DNM1: variants seen among roughly 807,000 people sequenced by gnomAD.
DNM1 encodes the protein dynamin 1.
In DNM1, 29 loss-of-function variants were observed where a neutral mutation model predicts 104.6. The observed-to-expected ratio is 0.28, with a 90% CI of 0.21 to 0.38. The LOEUF (loss-of-function observed/expected upper bound fraction) is 0.38. DNM1 is among the 10% of genes least tolerant of loss of function. DNM1 has a pLI of 1.00. For missense variants in DNM1, 640 were observed against 1,189.4 expected (o/e 0.54, Z 6.79); for synonymous variants, 445 against 475.8 (o/e 0.94, Z 0.84).
chr9:128,250,409 G>C (rs1588458518), intron 20 of DNM1, 53 bp downstream of exon 20: 1 of 1,504,058 alleles, frequency 6.6e-7, no homozygotes, highest in East Asian at 2.5e-5. Flanking sequence ...GGGCCCGCGG[G>C]AGGAATGCCG....
chr9:128,246,709 T>C (rs1383794323), intron 16 of DNM1, among the ~76,000 whole-genome samples: 1 of 143,316 alleles, frequency 7.0e-6, no homozygotes, highest in Non-Finnish European at 1.5e-5. Context: ...CCCTCCTCCT[T>C]CCCTCCCTCT....
At chr9:128,246,870 T>G (rs1442976561) in intron 16 of DNM1, 2 of 277,432 alleles carry the variant, frequency 7.2e-6, no homozygotes, top group African/African-American at 4.3e-5. Flanking sequence ...TGAGACACTC[T>G]GCCAGGCACT....
Position 128,243,389 on chromosome 9 carries a change from C to CGG in DNM1, c.1671+1048_1671+1049dup, listed in dbSNP as rs144072096. Among the ~76,000 whole-genome samples the CGG allele has an allele frequency of 7.9e-5, 12 of 152,014 alleles. No homozygotes were observed. The highest frequency in any genetic ancestry group is 1.5e-4 in the Non-Finnish European group (10 of 67,996). ...CTGTTGGAGGCTACAGCATCCTCAA[C>CGG]GGGGGAGCGGGGCTCTGGGTGGGGC... On this transcript the variant is annotated intron_variant, in intron 15 of 21. Coordinates refer to ENST00000372923, the MANE Select transcript of DNM1 (RefSeq NM_004408.4). This position sits in a 1 kb window ranked among gnomAD's most constrained non-coding sequence, Gnocchi z 4.0.
Position 128,246,521 on chromosome 9 carries a change from G to C in DNM1, c.1781+18G>C, listed in dbSNP as rs1302891769. 1.3e-6 allele frequency: 2 copies of C among 1,598,816 alleles called. No individual in the cohort carries two copies. Among genetic ancestry groups the C allele is most frequent in the Non-Finnish European group, 1.7e-6 (2 of 1,166,628 alleles). On this transcript the variant is annotated intron_variant, in intron 16 of 21. Coordinates refer to ENST00000372923, the MANE Select transcript of DNM1 (RefSeq NM_004408.4). ...GAGCAGAGGTGCCTGCCTGCCCCTG[G>C]CTGTGGCTGCTGCAGCCCCAAAACC... is the stretch of plus-strand genomic sequence containing the variant.
Position 128,253,245 on chromosome 9 carries a change from C to G in DNM1, c.2535-1409C>G. The stretch of plus-strand genomic sequence containing the variant: ...CCTCAGAGCCAGGCTCCCCGCCCCT[C>G]CCTTCTGCAGCTGCAGACTTGCTCT... On this transcript the variant is annotated intron_variant, in intron 21 of 21. Coordinates refer to ENST00000372923, the MANE Select transcript of DNM1 (RefSeq NM_004408.4). The surrounding 1 kb of genome is among the most constrained non-coding windows in gnomAD (Gnocchi z 5.9). 3 of 1,035,344 alleles carry G rather than the reference C, an allele frequency of 2.9e-6. No homozygotes were observed. The allele number at this position is 1,035,344 out of a possible 1,614,324, so 64.1% of individuals were successfully genotyped here. A position where few individuals can be genotyped will look rare whatever the true frequency, so the allele number is the denominator to read the frequency against.
chr9:128,247,366 A>G lies in DNM1; in HGVS notation c.1782-9A>G, dbSNP rs201739236. ...CCCATCTGCCCTCACTGCCTGCCCT[A>G]TCTTGCAGGAATGTCTACAAGGATT... On this transcript the variant is annotated splice_polypyrimidine_tract_variant and intron_variant, in intron 16 of 21. Coordinates refer to ENST00000372923, the MANE Select transcript of DNM1 (RefSeq NM_004408.4). The surrounding 1 kb of genome is among the most constrained non-coding windows in gnomAD (Gnocchi z 5.1). 1.4e-4 allele frequency: 230 copies of G among 1,598,724 alleles called. No homozygotes were observed. In the African/African-American group the frequency reaches 2.6e-3, roughly 18 times the overall value.
intron 10 of DNM1, among the ~76,000 whole-genome samples, chr9:128,232,303 C>A (rs1417121453): frequency 6.6e-6 from 1 of 152,158 alleles, no homozygotes; most frequent in African/African-American, 2.4e-5. Context: ...AGAGCGGGAG[C>A]CCTTCCTTGA....
chr9:128,222,655 ACT>A lies in DNM1; in HGVS notation c.1128+66_1128+67del. The A allele has an allele frequency of 6.2e-7, 1 of 1,606,722 alleles. No homozygotes were observed. The highest frequency in any genetic ancestry group is 8.5e-7 in the Non-Finnish European group (1 of 1,175,072). On this transcript the variant is annotated intron_variant, in intron 8 of 21. Coordinates refer to ENST00000372923, the MANE Select transcript of DNM1 (RefSeq NM_004408.4). The surrounding 1 kb of genome is among the most constrained non-coding windows in gnomAD (Gnocchi z 7.8). ...AGGACTCCCCCCACCCTCACTCAGG[ACT>A]CTCTCTGCGTGTGTTTTTGCTGGCC... is the stretch of plus-strand genomic sequence containing the variant.
rs1180448326 is a variant in DNM1 at position 128,245,279 on chromosome 9, G to A, written c.1672-1115G>A. ...CCAGGGGGGCGTTGGGGGCAGAGAGGGGTGGGCGGGATGACGCCAGGACGG... is the reference window on the plus strand; with the variant it reads ...CCAGGGGGGCGTTGGGGGCAGAGAGAGGTGGGCGGGATGACGCCAGGACGG... On this transcript the variant is annotated intron_variant, in intron 15 of 21. Transcript: ENST00000372923. The surrounding 1 kb of genome is among the most constrained non-coding windows in gnomAD (Gnocchi z 5.2). Among the ~76,000 whole-genome samples the A allele has an allele frequency of 6.6e-6, 1 of 152,092 alleles. No individual in the cohort carries two copies. Among genetic ancestry groups the A allele is most frequent in the Admixed American group, 6.5e-5 (1 of 15,278 alleles).
At position 128,247,272 on chromosome 9, in the gene DNM1, A is replaced by C; in HGVS notation, c.1782-103A>C. 1.5e-6 allele frequency: 1 copy of C among 685,312 alleles called. No individual in the cohort carries two copies. Among genetic ancestry groups the C allele is most frequent in the East Asian group, 2.8e-5 (1 of 36,246 alleles). 42.5% of individuals were successfully genotyped at this position (685,312 alleles called of 1,614,324 possible). A position where few individuals can be genotyped will look rare whatever the true frequency, so the allele number is the denominator to read the frequency against. Reference sequence around the variant, plus strand: ...CACAGGGTCACACAGCTGGGAAATGAGCTGGCCTCAGGCATGTTGACCCCA... The same window carrying C: ...CACAGGGTCACACAGCTGGGAAATGCGCTGGCCTCAGGCATGTTGACCCCA... On this transcript the variant is annotated intron_variant, in intron 16 of 21. Transcript: ENST00000372923. This position sits in a 1 kb window ranked among gnomAD's most constrained non-coding sequence, Gnocchi z 5.1.
chr9:128,231,344 G>T (rs1835681144), intron 10 of DNM1, among the ~76,000 whole-genome samples: 1 of 151,930 alleles, frequency 6.6e-6, no homozygotes, highest in African/African-American at 2.4e-5. Context: ...TGGGATTACA[G>T]GCATGTGCCA....
rs367584321 is a variant in DNM1 at position 128,222,584 on chromosome 9, C to T, written c.1116C>T (p.Phe372=). The T allele has an allele frequency of 1.2e-5, 20 of 1,614,030 alleles. No homozygotes were observed. Among genetic ancestry groups the T allele is most frequent in the South Asian group, 5.5e-5 (5 of 91,090 alleles). The part of the protein sequence containing the change: ...INRIFHERFP[F]ELVKMEFDEK... ...GAATCTTCCACGAGCGCTTCCCTTTCGAGCTGGTCAAGGTAGGTCAGGCAG... is the reference window on the plus strand; with the variant it reads ...GAATCTTCCACGAGCGCTTCCCTTTTGAGCTGGTCAAGGTAGGTCAGGCAG... The change falls in exon 8 of 22, where the codon TTC becomes TTT. Residue 372 remains phenylalanine, a synonymous_variant. Coordinates refer to ENST00000372923, the MANE Select transcript of DNM1 (RefSeq NM_004408.4). This position sits in a 1 kb window ranked among gnomAD's most constrained non-coding sequence, Gnocchi z 7.8.
Position 128,239,429 on chromosome 9 carries a change from C to T in DNM1, c.1423-16C>T. 2 of 1,612,050 alleles carry T rather than the reference C, an allele frequency of 1.2e-6. No homozygotes were observed. Among genetic ancestry groups the T allele is most frequent in the African/African-American group, 2.7e-5 (2 of 74,992 alleles). On this transcript the variant is annotated splice_polypyrimidine_tract_variant and intron_variant, in intron 11 of 21. Coordinates refer to ENST00000372923, the MANE Select transcript of DNM1 (RefSeq NM_004408.4). ...GTGTCTTTTGCGCTTGCCCACCAAC[C>T]TATGTATCCTTGAAGGTCATGCTTC...
At chr9:128,239,370 T>C in intron 11 of DNM1, 75 bp from the exon 12 acceptor site, 1 of 1,115,174 alleles carries the variant, frequency 9.0e-7, no homozygotes, top group Non-Finnish European at 1.4e-6. Context: ...CAAGTACTTT[T>C]CTCCCAGCTT....
At chr9:128,215,680 C>A (rs75656061) in intron 1 of DNM1, among the ~76,000 whole-genome samples, 9,353 of 152,290 alleles carry the variant, frequency 0.061, 315 homozygotes, top group Middle Eastern at 0.12. Flanking sequence ...GAGACCTCCA[C>A]CCCTCAGGCT....
intron 10 of DNM1, among the ~76,000 whole-genome samples, chr9:128,226,713 C>T (rs779848458): frequency 2.8e-4 from 42 of 152,252 alleles, no homozygotes; most frequent in Admixed American, 8.5e-4. Flanking sequence ...TACAGTAATC[C>T]GTGCGTGAGA....
chr9:128,221,596 G>T (rs1039490441), intron 6 of DNM1, among the ~76,000 whole-genome samples: 1 of 152,056 alleles, frequency 6.6e-6, no homozygotes, highest in African/African-American at 2.4e-5. Context: ...TCAGACGCAC[G>T]TCTAAAAATA....
chr9:128,227,995 T>C (rs1835448145), intron 10 of DNM1, among the ~76,000 whole-genome samples: 1 of 152,008 alleles, frequency 6.6e-6, no homozygotes. Flanking sequence ...CTTCAAGCAC[T>C]AACCACCACA....
In DNM1 at chr9:128,218,694, G is replaced by A. The variant is rs370437652; in HGVS notation, c.348G>A (p.Ser116=). 6.8e-6 allele frequency: 11 copies of A among 1,610,620 alleles called. No homozygotes were observed. Among genetic ancestry groups the A allele is most frequent in the Non-Finnish European group, 8.5e-6 (10 of 1,177,566 alleles). ...DRVTGTNKGI[S]PVPINLRVYS... ...TCACCGGCACCAACAAGGGCATCTC[G>A]CCGGTGCCTATCAACCTCCGCGTCT... Residue 116 remains serine (S), a synonymous_variant, in exon 3 of 22, where the codon TCG becomes TCA. Transcript: ENST00000372923. The surrounding 1 kb of genome is among the most constrained non-coding windows in gnomAD (Gnocchi z 4.8).
Sources: gnomAD v4.1 joint callset for allele counts (sites outside exome capture counted in the v4.1 genomes callset) on GRCh38, gnomAD v4.1.1 for gene constraint, Gnocchi (gnomAD v3.1) non-coding constraint, MANE v1.5 for transcripts, NCBI Gene and HGNC (gene_info 2026-07-23, HGNC 2026-07-21) for gene names.